The following USH2A variants were observed in gnomAD, a reference collection of about 807,000 sequenced individuals.
The protein encoded by USH2A is Usher syndrome 2A (autosomal recessive, mild).
In USH2A, 443 loss-of-function variants were observed where a neutral mutation model predicts 538.9. The ratio of observed to expected loss-of-function variants is 0.82; its 90% confidence interval spans 0.76 to 0.89. The LOEUF (loss-of-function observed/expected upper bound fraction) is 0.89. USH2A is among the 40% of genes least tolerant of loss of function. USH2A has a pLI of 0.00. For synonymous variants in USH2A, 2,413 were observed against 2,273.5 expected (o/e 1.06, Z -1.75); for missense variants, 6,633 against 6,324.8 (o/e 1.05, Z -1.65).
chr1:215,918,283 A>G (rs1305606604), intron 38 of USH2A, among the ~76,000 whole-genome samples: 2 of 152,074 alleles, frequency 1.3e-5, no homozygotes, highest in South Asian at 2.1e-4. Flanking sequence ...TGTCCCTCCT[A>G]TAATTCTTAC....
chr1:215,697,095 G>A (rs1028055224), intron 61 of USH2A, among the ~76,000 whole-genome samples: 6 of 151,392 alleles, frequency 4.0e-5, no homozygotes, highest in African/African-American at 1.5e-4. Flanking sequence ...TGGGACTACA[G>A]GCATGTGCCA....
At chr1:216,264,132 C>A (rs2036426272) in intron 11 of USH2A, among the ~76,000 whole-genome samples, 1 of 152,022 alleles carries the variant, frequency 6.6e-6, no homozygotes, top group African/African-American at 2.4e-5. Flanking sequence ...AAAGGCATCC[C>A]ATGATCATGG....
At chr1:216,002,009 A>G (rs1426969682) in intron 32 of USH2A, among the ~76,000 whole-genome samples, 2 of 152,162 alleles carry the variant, frequency 1.3e-5, no homozygotes, top group Non-Finnish European at 2.9e-5. Context: ...TAGTCAGAAT[A>G]TATACTTCAA....
intron 11 of USH2A, among the ~76,000 whole-genome samples, chr1:216,265,041 G>T (rs529689940): frequency 6.6e-6 from 1 of 152,028 alleles, no homozygotes; most frequent in Non-Finnish European, 1.5e-5. Context: ...ATGCCCTTTC[G>T]CAGCAAAAGA....
intron 21 of USH2A, among the ~76,000 whole-genome samples, chr1:216,118,445 G>T (rs1156292108): frequency 6.6e-6 from 1 of 152,042 alleles, no homozygotes; most frequent in Non-Finnish European, 1.5e-5. Context: ...AGGAGCCTTA[G>T]CATCCTCACC....
intron 40 of USH2A, among the ~76,000 whole-genome samples, chr1:215,890,132 G>T (rs1304171872): frequency 6.6e-6 from 1 of 151,990 alleles, no homozygotes; most frequent in Admixed American, 6.6e-5. Flanking sequence ...TATAAACCAC[G>T]GCCTGAAATC....
chr1:215,965,600 T>G (rs181863759), intron 36 of USH2A, 121 bp from the exon 37 acceptor site: 16 of 1,110,586 alleles, frequency 1.4e-5, no homozygotes, highest in African/African-American at 6.3e-5. Context: ...CAGTAGCATC[T>G]TGTATGAATA....
intron 44 of USH2A, among the ~76,000 whole-genome samples, chr1:215,850,414 C>T (rs1460844544): frequency 6.6e-6 from 1 of 152,086 alleles, no homozygotes; most frequent in Non-Finnish European, 1.5e-5. Context: ...CATTGAACTA[C>T]ATTTTCTGGG....
Position 216,050,019 on chromosome 1 carries a change from C to T in USH2A, c.6050-1372G>A, listed in dbSNP as rs533663677. Among the ~76,000 whole-genome samples the T allele has an allele frequency of 2.0e-3, 311 of 152,320 alleles. 2 individuals carry two copies. The highest frequency in any genetic ancestry group is 3.7e-3 in the Non-Finnish European group (249 of 68,030). ...GCTCTCTCTAATTTCAAAACCCTCTCGTGTCAGAACCTCCTGCTTTCTCTC... is the reference window on the plus strand; with the variant it reads ...GCTCTCTCTAATTTCAAAACCCTCTTGTGTCAGAACCTCCTGCTTTCTCTC... On this transcript the variant is annotated intron_variant, in intron 30 of 71. Coordinates refer to ENST00000307340, the MANE Select transcript of USH2A (RefSeq NM_206933.4).
At position 216,407,667 on chromosome 1, in the gene USH2A, A is replaced by G. The variant is rs1392921236; in HGVS notation, c.651+10847T>C. 2.6e-5 allele frequency among the ~76,000 whole-genome samples: 4 copies of G among 152,274 alleles called. No homozygotes were observed. In the South Asian group the frequency reaches 8.3e-4, roughly 32 times the overall value. Reference sequence around the variant, plus strand: ...AAATTCTGCCCTAGGTTATATGCACACTGTTCTTCCTGACGTTAGTGCGAA... The same window carrying G: ...AAATTCTGCCCTAGGTTATATGCACGCTGTTCTTCCTGACGTTAGTGCGAA... On this transcript the variant is annotated intron_variant, in intron 3 of 71. Coordinates refer to ENST00000307340, the MANE Select transcript of USH2A (RefSeq NM_206933.4).
At chr1:216,197,095 A>C (rs1283031184) in intron 18 of USH2A, among the ~76,000 whole-genome samples, 1 of 152,134 alleles carries the variant, frequency 6.6e-6, no homozygotes, top group Admixed American at 6.6e-5. Context: ...ATGCATGGTG[A>C]TGTACTGGAT....
intron 13 of USH2A, among the ~76,000 whole-genome samples, chr1:216,241,912 G>C (rs993250253): frequency 1.3e-5 from 2 of 152,114 alleles, no homozygotes; most frequent in African/African-American, 4.8e-5. Context: ...ATTGCAAATT[G>C]TCTTCTTTTC....
chr1:216,415,508 CTTTTTTT>C (rs71161423), intron 3 of USH2A, among the ~76,000 whole-genome samples: 11,064 of 96,754 alleles, frequency 0.11, 788 homozygotes, highest in African/African-American at 0.23. Context: ...CTTCCTGTCA[CTTTTTTT>C]TTTTTTTTTT....
chr1:216,246,952 C>T lies in USH2A; in HGVS notation c.2442G>A (p.Gln814=), dbSNP rs1269761135. Residue 814 remains glutamine, a synonymous_variant, in exon 13 of 72, where the codon CAG becomes CAA. Transcript: ENST00000307340. The stretch of plus-strand genomic sequence containing the variant: ...CTTCAACATTGGGCTTGCAGATGCA[C>T]TGCCCTGTCTTAGCATTACAGACAG... ...PGTVCNAKTG[Q]CICKPNVEGR... 1 of 1,614,102 alleles carries T rather than the reference C, an allele frequency of 6.2e-7. No homozygotes were observed. Among genetic ancestry groups the T allele is most frequent in the East Asian group, 2.2e-5 (1 of 44,844 alleles).
Position 215,772,127 on chromosome 1 carries a change from CTA to C in USH2A, c.10940-5341_10940-5340del, listed in dbSNP as rs1661309786. On this transcript the variant is annotated intron_variant, in intron 55 of 71. Coordinates refer to ENST00000307340, the MANE Select transcript of USH2A (RefSeq NM_206933.4). Reference sequence around the variant, plus strand: ...ATTTGCTGTCATTTTAAGTAAGCCTCTATCGGTAGTCCTTAAAATGAGATATA... The same window carrying C: ...ATTTGCTGTCATTTTAAGTAAGCCTCTCGGTAGTCCTTAAAATGAGATATA... Among the ~76,000 whole-genome samples, 4 of 152,246 alleles carry C rather than the reference CTA, an allele frequency of 2.6e-5. No homozygotes were observed. In the South Asian group the frequency reaches 8.3e-4, roughly 32 times the overall value.
chr1:216,271,281 A>T (rs1179582218), intron 11 of USH2A, among the ~76,000 whole-genome samples: 1 of 152,052 alleles, frequency 6.6e-6, no homozygotes, highest in Non-Finnish European at 1.5e-5. Context: ...GGTGGCCAAA[A>T]ATGTTGCTCA....
chr1:216,035,832 GT>G (rs1365237590), intron 32 of USH2A, among the ~76,000 whole-genome samples: 1 of 152,142 alleles, frequency 6.6e-6, no homozygotes, highest in Admixed American at 6.5e-5. Flanking sequence ...TTGGATGCCA[GT>G]TGGGTCCTTA....
chr1:216,003,320 T>G (rs1382929728), intron 32 of USH2A, among the ~76,000 whole-genome samples: 2 of 152,170 alleles, frequency 1.3e-5, no homozygotes, highest in Non-Finnish European at 2.9e-5. Context: ...AGAAAGGTGT[T>G]GCATTTTAGA....
intron 43 of USH2A, among the ~76,000 whole-genome samples, chr1:215,870,589 G>C (rs566215110): frequency 6.6e-6 from 1 of 151,688 alleles, no homozygotes; most frequent in South Asian, 2.1e-4. Flanking sequence ...GAGTCACCGC[G>C]CCTGGCCGAG....
Sources: allele counts gnomAD v4.1 joint callset (sites outside exome capture counted in the v4.1 genomes callset), GRCh38; gene constraint gnomAD v4.1.1; transcripts MANE v1.5; gene names NCBI Gene and HGNC (gene_info 2026-07-23, HGNC 2026-07-21).